Variants in KCTD16 observed in about 807,000 individuals in gnomAD.
KCTD16 encodes the protein potassium channel tetramerization domain containing 16.
In KCTD16, 13 loss-of-function variants were observed where a neutral mutation model predicts 33.2. The ratio of observed to expected loss-of-function variants is 0.39; its 90% CI spans 0.25 to 0.62. The LOEUF is 0.62. Among genes scored for constraint, KCTD16 ranks in the 20% least tolerant of loss-of-function variants. The pLI, the probability that KCTD16 is intolerant of heterozygous loss-of-function variation, is 0.50. For missense variants in KCTD16, 441 were observed against 525.1 expected (o/e 0.84, Z 1.57); for synonymous variants, 197 against 195.3 (o/e 1.01, Z -0.07).
chr5:144,209,093 C>G (rs932026987), intron 3 of KCTD16, among the ~76,000 whole-genome samples: 5 of 152,136 alleles, frequency 3.3e-5, no homozygotes, highest in African/African-American at 1.2e-4. Flanking sequence ...AAAGATAGTT[C>G]CAATGCAGCT....
At chr5:144,210,458 T>C (rs1183971581) in intron 3 of KCTD16, among the ~76,000 whole-genome samples, 1 of 152,162 alleles carries the variant, frequency 6.6e-6, no homozygotes, top group East Asian at 1.9e-4. Context: ...GGGATTGCCT[T>C]ACAAAGTATT....
At chr5:144,359,123 C>T (rs566391486) in intron 3 of KCTD16, among the ~76,000 whole-genome samples, 103 of 152,286 alleles carry the variant, frequency 6.8e-4, no homozygotes, top group Non-Finnish European at 1.3e-3. Context: ...CGCAGTCATA[C>T]CCAATACATA....
chr5:144,229,270 A>C (rs1047882707), intron 3 of KCTD16, among the ~76,000 whole-genome samples: 2 of 152,188 alleles, frequency 1.3e-5, no homozygotes. Context: ...CAGTGAAGAC[A>C]TGAAGGAGAG....
chr5:144,363,259 T>C (rs1395320420), intron 3 of KCTD16, among the ~76,000 whole-genome samples: 1 of 152,084 alleles, frequency 6.6e-6, no homozygotes, highest in Non-Finnish European at 1.5e-5. Context: ...TGAGAATCAT[T>C]TGAACCTGGG....
chr5:144,235,149 C>A (rs1341550980), intron 3 of KCTD16, among the ~76,000 whole-genome samples: 3 of 152,124 alleles, frequency 2.0e-5, no homozygotes, highest in African/African-American at 7.2e-5. Context: ...TAGGGAGAAT[C>A]ATTTTGCATG....
At chr5:144,336,313 G>A (rs1752492043) in intron 3 of KCTD16, among the ~76,000 whole-genome samples, 1 of 152,168 alleles carries the variant, frequency 6.6e-6, no homozygotes, top group African/African-American at 2.4e-5. Flanking sequence ...ATAAAGGTGT[G>A]TGCAAGCCTG....
At chr5:144,298,917 T>TCTCCAGG (rs1290467621) in intron 3 of KCTD16, among the ~76,000 whole-genome samples, 1 of 149,282 alleles carries the variant, frequency 6.7e-6, no homozygotes, top group Non-Finnish European at 1.5e-5. Flanking sequence ...GAATTTAGCC[T>TCTCCAGG]CTCCAGGCTT....
chr5:144,438,752 C>A (rs150854683), intron 3 of KCTD16, among the ~76,000 whole-genome samples: 70 of 152,236 alleles, frequency 4.6e-4, no homozygotes, highest in African/African-American at 1.6e-3. Flanking sequence ...TGTTACCAGA[C>A]CAAGGACAGA....
chr5:144,337,701 T>G (rs61229074), intron 3 of KCTD16, among the ~76,000 whole-genome samples: 1 of 152,226 alleles, frequency 6.6e-6, no homozygotes, highest in African/African-American at 2.4e-5. Context: ...TGAAATGTTC[T>G]TTACTCAACT....
intron 3 of KCTD16, among the ~76,000 whole-genome samples, chr5:144,210,630 T>C (rs1753355828): frequency 6.6e-6 from 1 of 152,146 alleles, no homozygotes; most frequent in African/African-American, 2.4e-5. Context: ...ATGAGAACTA[T>C]GTAATCTGCA....
intron 3 of KCTD16, among the ~76,000 whole-genome samples, chr5:144,387,171 T>C (rs1329561188): frequency 7.6e-6 from 1 of 131,070 alleles, no homozygotes; most frequent in Non-Finnish European, 1.6e-5. Context: ...AGAGACAGAG[T>C]CTCACTTTGT....
At chr5:144,418,718 G>T (rs1478785876) in intron 3 of KCTD16, among the ~76,000 whole-genome samples, 1 of 152,140 alleles carries the variant, frequency 6.6e-6, no homozygotes, top group Non-Finnish European at 1.5e-5. Flanking sequence ...ACTTTAACAA[G>T]TGTGGAAGTT....
chr5:144,294,240 C>T (rs1755975178), intron 3 of KCTD16, among the ~76,000 whole-genome samples: 1 of 152,144 alleles, frequency 6.6e-6, no homozygotes, highest in East Asian at 1.9e-4. Flanking sequence ...TCTTATTTTG[C>T]TTTTGCTGAC....
At chr5:144,350,272 A>C (rs1751383490) in intron 3 of KCTD16, among the ~76,000 whole-genome samples, 1 of 152,144 alleles carries the variant, frequency 6.6e-6, no homozygotes, top group Non-Finnish European at 1.5e-5. Flanking sequence ...ACATAAAAAA[A>C]TTAATTACTT....
chr5:144,425,354 TC>T lies in KCTD16; in HGVS notation c.833-48303del. 2.6e-5 allele frequency among the ~76,000 whole-genome samples: 4 copies of T among 152,008 alleles called. No homozygotes were observed. In the East Asian group the frequency reaches 5.9e-4, roughly 22 times the overall value. On this transcript the variant is annotated intron_variant, in intron 3 of 3. Coordinates refer to ENST00000512467, the MANE Select transcript of KCTD16 (RefSeq NM_020768.4). ...CAGGCCTATAGCCTTGTTGGGCTCATCCCACCCAGCAGCTCTCTCAGGTTGG... is the reference window on the plus strand; with the variant it reads ...CAGGCCTATAGCCTTGTTGGGCTCATCCACCCAGCAGCTCTCTCAGGTTGG...
intron 3 of KCTD16, among the ~76,000 whole-genome samples, chr5:144,261,008 C>T (rs1754992279): frequency 1.3e-5 from 2 of 151,660 alleles, no homozygotes; most frequent in South Asian, 2.1e-4. Flanking sequence ...CTGACTGTAA[C>T]TTGTAAATAT....
At chr5:144,454,764 G>A (rs1173953002) in intron 3 of KCTD16, among the ~76,000 whole-genome samples, 1 of 151,970 alleles carries the variant, frequency 6.6e-6, no homozygotes, top group Non-Finnish European at 1.5e-5. Flanking sequence ...AAAGAAGAAA[G>A]TATCATTATA....
chr5:144,277,898 A>C (rs977387807), intron 3 of KCTD16, among the ~76,000 whole-genome samples: 1 of 152,214 alleles, frequency 6.6e-6, no homozygotes, highest in Non-Finnish European at 1.5e-5. Context: ...TTAAGTTTTG[A>C]GATTTAAAAA....
intron 3 of KCTD16, among the ~76,000 whole-genome samples, chr5:144,442,860 G>GGA (rs1554095117): frequency 0.026 from 3,912 of 151,998 alleles, 161 homozygotes; most frequent in African/African-American, 0.089. Flanking sequence ...TCTATACTAG[G>GGA]TACTAGGGAT....
Sources: allele counts gnomAD v4.1 joint callset (sites outside exome capture counted in the v4.1 genomes callset), GRCh38; gene constraint gnomAD v4.1.1; transcripts MANE v1.5; gene names NCBI Gene and HGNC (gene_info 2026-07-23, HGNC 2026-07-21).